Variants in RBFOX1 observed in about 807,000 individuals in gnomAD.
RBFOX1 encodes the protein RNA binding protein fox-1 homolog 1.
A neutral mutation model predicts 57.7 loss-of-function variants in RBFOX1; 8 were observed. That is an observed-to-expected ratio of 0.14 (90% CI 0.08 to 0.25). RBFOX1 has a LOEUF of 0.25. Ranked by LOEUF, RBFOX1 falls within the 10% of genes least tolerant of loss-of-function variation. RBFOX1 has a pLI of 1.00. For synonymous variants in RBFOX1, 326 were observed against 222.4 expected, an observed-to-expected ratio of 1.47 and a Z score of -4.15; for missense variants, 611 against 548.5, an observed-to-expected ratio of 1.11 and a Z score of -1.14.
intron 1 of RBFOX1, among the ~76,000 whole-genome samples, chr16:5,454,906 C>A (rs1239864616): frequency 1.5e-5 from 1 of 68,072 alleles, no homozygotes; most frequent in Non-Finnish European, 3.2e-5. Context: ...TTCTTTCTTT[C>A]TTTCTTTCCT....
At chr16:6,805,341 G>C (rs2086492960) in intron 3 of RBFOX1, among the ~76,000 whole-genome samples, 2 of 152,168 alleles carry the variant, frequency 1.3e-5, no homozygotes, top group Admixed American at 1.3e-4. Context: ...TCAGTGATTT[G>C]AACACATGGA....
chr16:6,195,609 C>T (rs915427265), intron 1 of RBFOX1, among the ~76,000 whole-genome samples: 5 of 151,840 alleles, frequency 3.3e-5, no homozygotes, highest in Admixed American at 1.3e-4. Context: ...GTCCCAGCTA[C>T]TTGGGAGGCT....
chr16:5,481,711 A>C (rs1298715250), intron 2 of RBFOX1, among the ~76,000 whole-genome samples: 2 of 152,312 alleles, frequency 1.3e-5, no homozygotes, highest in East Asian at 3.9e-4. Flanking sequence ...CGTGTGGCTT[A>C]GACAACAGAA....
chr16:7,192,080 G>A (rs1470405259), intron 4 of RBFOX1, among the ~76,000 whole-genome samples: 3 of 152,042 alleles, frequency 2.0e-5, no homozygotes. Context: ...TCTACGAGCT[G>A]TTTTCAAAAC....
intron 1 of RBFOX1, among the ~76,000 whole-genome samples, chr16:5,320,032 T>A (rs1478126793): frequency 1.3e-5 from 2 of 152,170 alleles, no homozygotes; most frequent in Non-Finnish European, 2.9e-5. Context: ...GAAATGTAGT[T>A]TAGCTATGTG....
chr16:6,626,058 G>C (rs553227017), intron 2 of RBFOX1, among the ~76,000 whole-genome samples: 3 of 151,728 alleles, frequency 2.0e-5, no homozygotes, highest in Admixed American at 6.6e-5. Context: ...GCCGATTATA[G>C]TGTTGCCTGC....
chr16:7,349,962 C>G (rs555533854), intron 4 of RBFOX1, among the ~76,000 whole-genome samples: 3 of 152,212 alleles, frequency 2.0e-5, no homozygotes, highest in African/African-American at 7.2e-5. Context: ...GCCTGGGCAA[C>G]ATGGTGAAAC....
chr16:7,262,721 AG>A (rs1477250354), intron 4 of RBFOX1, among the ~76,000 whole-genome samples: 1 of 152,254 alleles, frequency 6.6e-6, no homozygotes, highest in Admixed American at 6.5e-5. Context: ...GTTATCACCA[AG>A]GAGAGGGCAT....
At chr16:6,332,415 C>T (rs1039784686) in intron 2 of RBFOX1, among the ~76,000 whole-genome samples, 1 of 152,042 alleles carries the variant, frequency 6.6e-6, no homozygotes, top group African/African-American at 2.4e-5. Flanking sequence ...AATGCACAAA[C>T]AGATATTAGA....
intron 3 of RBFOX1, among the ~76,000 whole-genome samples, chr16:5,837,037 AGTACCC>A (rs2056479321): frequency 6.6e-6 from 1 of 152,144 alleles, no homozygotes; most frequent in Non-Finnish European, 1.5e-5. Flanking sequence ...CACTTGCAGA[AGTACCC>A]GTATTCCCTG....
At chr16:7,243,955 A>G (rs574030096) in intron 4 of RBFOX1, among the ~76,000 whole-genome samples, 1 of 141,742 alleles carries the variant, frequency 7.1e-6, no homozygotes. Flanking sequence ...CTGAAGTCAC[A>G]TACAAAACTC....
chr16:6,814,627 G>C (rs538540394), intron 3 of RBFOX1, among the ~76,000 whole-genome samples: 3 of 152,266 alleles, frequency 2.0e-5, no homozygotes, highest in East Asian at 3.9e-4. Flanking sequence ...GGACAGAGCT[G>C]AATGACAGGT....
At chr16:6,132,440 C>A (rs766401119) in intron 1 of RBFOX1, among the ~76,000 whole-genome samples, 4 of 152,170 alleles carry the variant, frequency 2.6e-5, no homozygotes, top group Non-Finnish European at 5.9e-5. Flanking sequence ...AATTCCTGAG[C>A]TAGTTTTACT....
intron 11 of RBFOX1, among the ~76,000 whole-genome samples, chr16:7,631,256 CTT>C (rs1230903639): frequency 3.3e-5 from 5 of 152,156 alleles, no homozygotes; most frequent in African/African-American, 1.2e-4. Flanking sequence ...AAATAACTGT[CTT>C]TTAAAAAATC....
intron 3 of RBFOX1, among the ~76,000 whole-genome samples, chr16:5,832,502 C>G (rs2056311966): frequency 2.0e-5 from 3 of 152,314 alleles, no homozygotes; most frequent in African/African-American, 7.2e-5. Context: ...GGGGCTGTTT[C>G]AAGGGTTATT....
chr16:7,237,077 G>A (rs2093805182), intron 4 of RBFOX1, among the ~76,000 whole-genome samples: 1 of 152,276 alleles, frequency 6.6e-6, no homozygotes, highest in South Asian at 2.1e-4. Flanking sequence ...AGAGCTGTGT[G>A]GGGTTTGGGT....
chr16:6,175,432 A>G (rs2096997717), intron 1 of RBFOX1, among the ~76,000 whole-genome samples: 1 of 152,002 alleles, frequency 6.6e-6, no homozygotes, highest in South Asian at 2.1e-4. Context: ...CTCAGAGTAG[A>G]GACACTAATT....
chr16:5,673,972 G>A (rs2151422577), intron 3 of RBFOX1, among the ~76,000 whole-genome samples: 1 of 152,336 alleles, frequency 6.6e-6, no homozygotes, highest in South Asian at 2.1e-4. Context: ...GCATCCAGGG[G>A]AGAGGAAAGA....
At chr16:7,296,331 T>C (rs973204350) in intron 4 of RBFOX1, among the ~76,000 whole-genome samples, 1 of 150,462 alleles carries the variant, frequency 6.6e-6, no homozygotes, top group East Asian at 2.0e-4. Flanking sequence ...CAGTAGACAG[T>C]GTATGTGAGT....
Sources: allele counts gnomAD v4.1 joint callset (sites outside exome capture counted in the v4.1 genomes callset), GRCh38; gene constraint gnomAD v4.1.1; transcripts MANE v1.5; gene names NCBI Gene and HGNC (gene_info 2026-07-23, HGNC 2026-07-21).